Variants in STK3 observed in about 807,000 individuals in gnomAD.
The protein encoded by STK3 is serine/threonine kinase 3, also known as serine/threonine-protein kinase 3.
A neutral mutation model predicts 58.0 loss-of-function variants in STK3; 41 were observed. The ratio of observed to expected loss-of-function variants is 0.71; its 90% CI spans 0.55 to 0.92. The LOEUF (loss-of-function observed/expected upper bound fraction) is 0.92. Among genes scored for constraint, STK3 ranks in the 40% least tolerant of loss-of-function variants. The pLI is 0.00. For synonymous variants in STK3, 170 were observed against 191.0 expected (o/e 0.89, Z 0.91); for missense variants, 479 against 602.7 (o/e 0.79, Z 2.15).
intron 4 of STK3, among the ~76,000 whole-genome samples, chr8:98,745,191 C>T (rs1217551270): frequency 6.6e-6 from 1 of 152,154 alleles, no homozygotes; most frequent in Non-Finnish European, 1.5e-5. Context: ...AAAAAGCTTG[C>T]TATATAAAGG....
intron 3 of STK3, among the ~76,000 whole-genome samples, chr8:98,407,604 A>C (rs1818005969): frequency 6.6e-6 from 1 of 152,204 alleles, no homozygotes; most frequent in African/African-American, 2.4e-5. Flanking sequence ...TATGGAGCTG[A>C]TTCTACAGAC....
intron 6 of STK3, among the ~76,000 whole-genome samples, chr8:98,654,726 C>T (rs1253695929): frequency 6.6e-6 from 1 of 152,070 alleles, no homozygotes; most frequent in African/African-American, 2.4e-5. Context: ...AGTGAACTCC[C>T]ATTCACAATT....
chr8:98,786,809 T>C (rs1832485696), intron 1 of STK3, among the ~76,000 whole-genome samples: 1 of 152,130 alleles, frequency 6.6e-6, no homozygotes, highest in Non-Finnish European at 1.5e-5. Context: ...TGAGATAATA[T>C]ACAAATCCAG....
chr8:98,595,761 G>C (rs1815765818), intron 7 of STK3: 1 of 297,008 alleles, frequency 3.4e-6, no homozygotes, highest in African/African-American at 2.1e-5. Context: ...CTGAGTCAAG[G>C]AACAGAAGAA....
chr8:98,460,841 C>T (rs994866253), intron 10 of STK3, among the ~76,000 whole-genome samples: 6 of 152,164 alleles, frequency 3.9e-5, no homozygotes, highest in African/African-American at 1.2e-4. Context: ...TTCCTGAGGC[C>T]TCCCCAGGCA....
At chr8:98,540,764 C>G (rs956373647) in intron 9 of STK3, among the ~76,000 whole-genome samples, 1 of 151,082 alleles carries the variant, frequency 6.6e-6, no homozygotes, top group Admixed American at 6.6e-5. Context: ...AACTAGAGTT[C>G]TGGGTAAGTG....
chr8:98,670,311 G>A (rs139080027), intron 6 of STK3, among the ~76,000 whole-genome samples: 271 of 152,182 alleles, frequency 1.8e-3, no homozygotes, highest in Non-Finnish European at 3.1e-3. Flanking sequence ...GCAGTGAACC[G>A]TGATCGCACC....
At chr8:98,890,053 T>C (rs1838138733) in intron 1 of STK3, among the ~76,000 whole-genome samples, 1 of 152,226 alleles carries the variant, frequency 6.6e-6, no homozygotes, top group Non-Finnish European at 1.5e-5. Context: ...TGGCACTGCC[T>C]GGTCCAGCAT....
At chr8:98,394,574 T>C (rs1787924843) in intron 3 of STK3, among the ~76,000 whole-genome samples, 1 of 152,200 alleles carries the variant, frequency 6.6e-6, no homozygotes, top group African/African-American at 2.4e-5. Context: ...TTGTTACACA[T>C]GAATTCTTCC....
At chr8:98,568,309 A>T (rs1180627121) in intron 8 of STK3, among the ~76,000 whole-genome samples, 2 of 152,176 alleles carry the variant, frequency 1.3e-5, no homozygotes, top group African/African-American at 4.8e-5. Flanking sequence ...TGAATAGATA[A>T]CAGTATATGG....
intron 6 of STK3, chr8:98,606,275 C>T (rs1043594317): frequency 1.3e-5 from 2 of 152,164 alleles, no homozygotes; most frequent in African/African-American, 4.8e-5. Flanking sequence ...CATTACCACA[C>T]ACTGACTCCA....
intron 6 of STK3, among the ~76,000 whole-genome samples, chr8:98,639,189 A>G (rs191372696): frequency 1.1e-3 from 162 of 151,242 alleles, no homozygotes; most frequent in African/African-American, 3.5e-3. Flanking sequence ...AGCTCACTGC[A>G]GTCTCAACCT....
intron 10 of STK3, among the ~76,000 whole-genome samples, chr8:98,477,702 C>CGGGGGGGGGGGGGGGGGGGGGGGG (rs1286720911): frequency 4.4e-4 from 1 of 2,280 alleles, no homozygotes; most frequent in African/African-American, 2.1e-3. Flanking sequence ...TCACACTTGG[C>CGGGGGGGGGGGGGGGGGGGGGGGG]GGGGGGGGGG....
At chr8:98,820,696 T>C (rs114791521) in intron 1 of STK3, among the ~76,000 whole-genome samples, 283 of 152,172 alleles carry the variant, frequency 1.9e-3, no homozygotes, top group African/African-American at 6.3e-3. Flanking sequence ...TCCAATAAAT[T>C]CGGCTGCGCG....
intron 3 of STK3, among the ~76,000 whole-genome samples, chr8:98,755,226 C>A (rs1183318766): frequency 1.3e-5 from 2 of 152,218 alleles, no homozygotes; most frequent in Non-Finnish European, 1.5e-5. Context: ...CACTGACCCT[C>A]TACTCGGGCC....
intron 3 of STK3, among the ~76,000 whole-genome samples, chr8:98,873,316 T>C (rs1318384376): frequency 6.6e-6 from 1 of 152,228 alleles, no homozygotes; most frequent in African/African-American, 2.4e-5. Context: ...GTGTATTCTG[T>C]TGATTTGGGG....
chr8:98,382,087 T>C (rs1817738166), intron 1 of STK3, among the ~76,000 whole-genome samples: 1 of 151,928 alleles, frequency 6.6e-6, no homozygotes, highest in Non-Finnish European at 1.5e-5. Flanking sequence ...AGAAAAATAG[T>C]TGGGGACCTA....
intron 10 of STK3, among the ~76,000 whole-genome samples, chr8:98,484,469 G>A (rs1822089894): frequency 6.6e-6 from 1 of 152,034 alleles, no homozygotes; most frequent in African/African-American, 2.4e-5. Context: ...ACTCACCAGG[G>A]AAAACTACTG....
intron 3 of STK3, among the ~76,000 whole-genome samples, chr8:98,759,674 A>T (rs1228272833): frequency 1.3e-5 from 2 of 152,174 alleles, no homozygotes; most frequent in Non-Finnish European, 2.9e-5. Context: ...CAAAGTGAAG[A>T]AGTACAACAG....
Sources: allele counts gnomAD v4.1 joint callset (sites outside exome capture counted in the v4.1 genomes callset), GRCh38; gene constraint gnomAD v4.1.1; transcripts MANE v1.5; gene names NCBI Gene and HGNC (gene_info 2026-07-23, HGNC 2026-07-21).